Variants in ARHGEF11 observed in about 807,000 individuals in gnomAD.
ARHGEF11 encodes Rho guanine exchange factor (GEF) 11.
In ARHGEF11, 55 loss-of-function variants were observed where a neutral mutation model predicts 193.7. That is an observed-to-expected ratio of 0.28 (90% confidence interval 0.23 to 0.36). The LOEUF (loss-of-function observed/expected upper bound fraction) is 0.36, where lower values mean the gene tolerates loss of function less well. Ranked by LOEUF, ARHGEF11 falls within the 10% of genes least tolerant of loss-of-function variation. The probability of loss-of-function intolerance (pLI) is 1.00; values close to 1 mark genes in which losing one functional copy is unlikely to be tolerated. For synonymous variants in ARHGEF11, 693 were observed against 768.0 expected, an observed-to-expected ratio of 0.90 and a Z score of 1.62; for missense variants, 1,723 against 2,005.6, an observed-to-expected ratio of 0.86 and a Z score of 2.69.
At chr1:157,024,372 G>A (rs907473042) in intron 1 of ARHGEF11, among the ~76,000 whole-genome samples, 3 of 152,118 alleles carry the variant, frequency 2.0e-5, no homozygotes, top group South Asian at 2.1e-4. Flanking sequence ...ATGGGTGCAC[G>A]ACCTTAGGTG....
At chr1:156,982,010 A>G (rs761191808) in intron 3 of ARHGEF11, among the ~76,000 whole-genome samples, 4 of 152,188 alleles carry the variant, frequency 2.6e-5, no homozygotes, top group Admixed American at 6.5e-5. Context: ...CTACATTCCA[A>G]TTTGGCTTTT....
intron 1 of ARHGEF11, among the ~76,000 whole-genome samples, chr1:156,991,572 G>A (rs1186810605): frequency 2.0e-5 from 3 of 152,120 alleles, no homozygotes; most frequent in African/African-American, 7.2e-5. Context: ...CACCTGCCTC[G>A]GCCTCCCAAA....
chr1:156,940,516 G>A (rs764945395), intron 35 of ARHGEF11, 91 bp from the exon 36 acceptor site: 13 of 1,174,252 alleles, frequency 1.1e-5, no homozygotes, highest in Non-Finnish European at 1.5e-5. Context: ...AAGGGGCTGG[G>A]AACACTGACT....
At chr1:157,018,315 G>A (rs974016496) in intron 1 of ARHGEF11, among the ~76,000 whole-genome samples, 2 of 152,066 alleles carry the variant, frequency 1.3e-5, no homozygotes, top group Non-Finnish European at 2.9e-5. Context: ...CACTTTTACA[G>A]AAACTGACAA....
intron 15 of ARHGEF11, among the ~76,000 whole-genome samples, 171 bp downstream of exon 15, chr1:156,960,247 C>T (rs895507267): frequency 2.6e-5 from 4 of 152,140 alleles, no homozygotes; most frequent in Non-Finnish European, 4.4e-5. Flanking sequence ...TGCACCTGTC[C>T]GTAAGCTACT....
At chr1:156,939,953 ACAC>A (rs751003197) in intron 36 of ARHGEF11, 43 bp from the exon 37 acceptor site, 8 of 1,587,768 alleles carry the variant, frequency 5.0e-6, no homozygotes, top group Non-Finnish European at 6.8e-6. Flanking sequence ...ATGGGACTGC[ACAC>A]CACGCCAGAA....
chr1:156,987,843 C>T (rs547137261), intron 1 of ARHGEF11, among the ~76,000 whole-genome samples: 4 of 152,180 alleles, frequency 2.6e-5, no homozygotes, highest in South Asian at 2.1e-4. Context: ...AAACAAAACA[C>T]GACATAAACC....
At chr1:156,981,884 G>T (rs1664231001) in intron 3 of ARHGEF11, among the ~76,000 whole-genome samples, 1 of 152,168 alleles carries the variant, frequency 6.6e-6, no homozygotes, top group Non-Finnish European at 1.5e-5. Context: ...ATTACATATT[G>T]TACATTTGCC....
At chr1:157,033,297 G>C (rs1313606674) in intron 1 of ARHGEF11, among the ~76,000 whole-genome samples, 4 of 151,970 alleles carry the variant, frequency 2.6e-5, no homozygotes, top group African/African-American at 9.7e-5. Flanking sequence ...CAAGAGAAGG[G>C]TAAGGGTATC....
Position 156,937,286 on chromosome 1 carries a change from G to C in ARHGEF11, c.4403C>G (p.Thr1468Ser). Residue 1468 changes from threonine to serine, a missense_variant, in exon 39 of 41, where the codon ACC (threonine) becomes AGC (serine). Coordinates refer to ENST00000368194, the MANE Select transcript of ARHGEF11 (RefSeq NM_198236.3). ...ALRDVGMIFH[T>S]IEQLTLKLNR... ...GAGCTTGAGAGTGAGCTGCTCAATG[G>C]TATGGAAGATCATGCCCACGTCCCT... 2 of 1,613,988 alleles carry C rather than the reference G, an allele frequency of 1.2e-6. No individual in the cohort carries two copies. Among genetic ancestry groups the C allele is most frequent in the Non-Finnish European group, 1.7e-6 (2 of 1,179,920 alleles).
In ARHGEF11 at chr1:156,948,197, G is replaced by C; in HGVS notation, c.2137C>G (p.Pro713Ala). 6.4e-7 allele frequency: 1 copy of C among 1,574,216 alleles called. No individual in the cohort carries two copies. Among genetic ancestry groups the C allele is most frequent in the Non-Finnish European group, 8.6e-7 (1 of 1,158,248 alleles). Reference sequence around the variant, plus strand: ...ATCACTTACCTGCGGCCCATTTTGGGAGTGAATGGAGGGGTTGGGTTCTCA... The same window carrying C: ...ATCACTTACCTGCGGCCCATTTTGGCAGTGAATGGAGGGGTTGGGTTCTCA... ...SLENPTPPFT[P>A]KMGRRSIESP... Residue 713 changes from proline to alanine, a missense_variant, in exon 24 of 41, where the codon CCC becomes GCC. By Grantham distance (27) the Pro-to-Ala change is conservative. Coordinates refer to ENST00000368194, the MANE Select transcript of ARHGEF11 (RefSeq NM_198236.3). The surrounding 1 kb of genome is among the most constrained non-coding windows in gnomAD (Gnocchi z 4.2).
chr1:157,004,669 G>A (rs955085650), intron 1 of ARHGEF11, among the ~76,000 whole-genome samples: 6 of 152,302 alleles, frequency 3.9e-5, no homozygotes, highest in Admixed American at 1.3e-4. Context: ...GGGTGAGGGA[G>A]GAAAGAAGCC....
chr1:157,002,013 CAA>C (rs1171374514), intron 1 of ARHGEF11, among the ~76,000 whole-genome samples: 1 of 152,072 alleles, frequency 6.6e-6, no homozygotes, highest in Non-Finnish European at 1.5e-5. Context: ...TTCTCCTAAG[CAA>C]AAAGTGTGGT....
At chr1:157,004,592 C>T (rs942991029) in intron 1 of ARHGEF11, among the ~76,000 whole-genome samples, 10 of 152,200 alleles carry the variant, frequency 6.6e-5, no homozygotes, top group Non-Finnish European at 7.3e-5. Context: ...GAGAGAGATG[C>T]AATGGGAATT....
chr1:156,956,985 C>T (rs1394628634), intron 18 of ARHGEF11, among the ~76,000 whole-genome samples: 1 of 152,070 alleles, frequency 6.6e-6, no homozygotes, highest in Non-Finnish European at 1.5e-5. Flanking sequence ...GGTGGGGAGG[C>T]CAGGGGAAAG....
At chr1:156,968,476 C>A (rs1662029331) in intron 10 of ARHGEF11, among the ~76,000 whole-genome samples, 1 of 152,192 alleles carries the variant, frequency 6.6e-6, no homozygotes, top group Non-Finnish European at 1.5e-5. Context: ...AACTCTGTGG[C>A]CTTCCAGATA....
chr1:156,937,025 AATGT>A lies in ARHGEF11; in HGVS notation c.4441-24_4441-21del, dbSNP rs1242613244. ...CATATCCTGGAAGAGTCGGCGGGGGAATGTCTGCTCGAGTCCTTCTATTCCTAAG... is the reference window on the plus strand; with the variant it reads ...CATATCCTGGAAGAGTCGGCGGGGGACTGCTCGAGTCCTTCTATTCCTAAG... On this transcript the variant is annotated intron_variant, in intron 39 of 40. Coordinates refer to ENST00000368194, the MANE Select transcript of ARHGEF11 (RefSeq NM_198236.3). 6.2e-7 allele frequency: 1 copy of A among 1,608,362 alleles called. No individual in the cohort carries two copies. Among genetic ancestry groups the A allele is most frequent in the South Asian group, 1.1e-5 (1 of 90,742 alleles).
chr1:156,950,590 T>G (rs1658929865), intron 22 of ARHGEF11, among the ~76,000 whole-genome samples: 1 of 152,118 alleles, frequency 6.6e-6, no homozygotes, highest in Non-Finnish European at 1.5e-5. Flanking sequence ...CAGTGAGCTA[T>G]GATTGCACCA....
At chr1:156,991,616 G>C (rs1385642165) in intron 1 of ARHGEF11, among the ~76,000 whole-genome samples, 1 of 151,282 alleles carries the variant, frequency 6.6e-6, no homozygotes, top group African/African-American at 2.4e-5. Context: ...CACTGTCCTT[G>C]GTCTTAATCT....
Sources: allele counts gnomAD v4.1 joint callset (sites outside exome capture counted in the v4.1 genomes callset), GRCh38; gene constraint gnomAD v4.1.1; non-coding constraint Gnocchi (gnomAD v3.1); transcripts MANE v1.5; gene names NCBI Gene and HGNC (gene_info 2026-07-23, HGNC 2026-07-21).